ACOT7: variants seen among roughly 807,000 people sequenced by gnomAD.
The protein encoded by ACOT7 is cytosolic acyl coenzyme A thioester hydrolase.
In ACOT7, 12 loss-of-function variants were observed where a neutral mutation model predicts 40.2. That is an observed-to-expected ratio of 0.30 (90% CI 0.19 to 0.48). The LOEUF is 0.48. Among genes scored for constraint, ACOT7 ranks in the 20% least tolerant of loss-of-function variants. The pLI is 0.99. For synonymous variants in ACOT7, 228 were observed against 219.5 expected, an observed-to-expected ratio of 1.04 and a Z score of -0.34; for missense variants, 395 against 530.8, an observed-to-expected ratio of 0.74 and a Z score of 2.51.
chr1:6,325,314 C>T (rs965944859), intron 5 of ACOT7, among the ~76,000 whole-genome samples: 1 of 151,558 alleles, frequency 6.6e-6, no homozygotes, highest in Non-Finnish European at 1.5e-5. Context: ...AGGAGAATGG[C>T]GTGAACCCGG....
intron 3 of ACOT7, among the ~76,000 whole-genome samples, chr1:6,335,737 G>A (rs1156529973): frequency 2.0e-5 from 3 of 152,204 alleles, no homozygotes; most frequent in East Asian, 3.9e-4. Context: ...ATTAAGAAAA[G>A]GCCTGTGCCT....
rs1180528368 is a variant in ACOT7, at chr1:6,352,643, G to C, written c.144-2777C>G. ...GTCTCGCTCTGTCTCCCAGGCTGGA[G>C]TGCAGTGGCACGATCTTGGCTCACC... On this transcript the variant is annotated intron_variant, in intron 1 of 8. Coordinates refer to ENST00000361521, the MANE Select transcript of ACOT7 (RefSeq NM_007274.4). The surrounding 1 kb of genome is among the most constrained non-coding windows in gnomAD (Gnocchi z 4.5). Among the ~76,000 whole-genome samples, 2 of 151,640 alleles carry C rather than the reference G, an allele frequency of 1.3e-5. No individual in the cohort carries two copies. The highest frequency in any genetic ancestry group is 3.9e-4 in the East Asian group (2 of 5,154).
chr1:6,265,140 C>T (rs1395505427), intron 8 of ACOT7, among the ~76,000 whole-genome samples: 5 of 152,156 alleles, frequency 3.3e-5, no homozygotes, highest in African/African-American at 9.7e-5. Flanking sequence ...GGGAGCTGAA[C>T]GGAAGTGGAA....
rs569207129 is a variant in ACOT7 at position 6,379,815 on chromosome 1, A to G, written c.143+13442T>C. Among the ~76,000 whole-genome samples, 49 of 151,284 alleles carry G rather than the reference A, an allele frequency of 3.2e-4. 3 individuals are homozygous for G. Among genetic ancestry groups the G allele is most frequent in the Non-Finnish European group, 6.3e-4 (43 of 67,744 alleles). On this transcript the variant is annotated intron_variant, in intron 1 of 8. Coordinates refer to ENST00000361521, the MANE Select transcript of ACOT7 (RefSeq NM_007274.4). ...GGTGTGGTGGCCTATAATCCCAGCA[A>G]TTTGAGAGACTGAGGTGGGCATATC...
At chr1:6,326,060 T>TG in intron 5 of ACOT7, among the ~76,000 whole-genome samples, 1 of 152,182 alleles carries the variant, frequency 6.6e-6, no homozygotes, top group South Asian at 2.1e-4. Flanking sequence ...CAAGGCATGG[T>TG]GGGGGGCAGC....
At chr1:6,332,820 C>CA (rs1640995690) in intron 4 of ACOT7, among the ~76,000 whole-genome samples, 2 of 131,554 alleles carry the variant, frequency 1.5e-5, no homozygotes, top group Admixed American at 7.5e-5. Context: ...GATTCCGTCT[C>CA]AAAAAAACAA....
In ACOT7 at chr1:6,301,521, A is replaced by C. The variant is rs1392627557; in HGVS notation, c.713-6541T>G. On this transcript the variant is annotated intron_variant, in intron 6 of 8. Transcript: ENST00000361521. This position sits in a 1 kb window ranked among gnomAD's most constrained non-coding sequence, Gnocchi z 4.1. ...CCCCCAGACCACACTGCATGATGTG[A>C]CATGGACGCCTGCACTGGGTGAGGA... Among the ~76,000 whole-genome samples the C allele has an allele frequency of 6.6e-6, 1 of 152,174 alleles. No homozygotes were observed. Among genetic ancestry groups the C allele is most frequent in the Non-Finnish European group, 1.5e-5 (1 of 68,014 alleles).
intron 8 of ACOT7, among the ~76,000 whole-genome samples, chr1:6,269,307 G>A (rs1430684222): frequency 1.3e-5 from 2 of 152,216 alleles, no homozygotes; most frequent in Non-Finnish European, 2.9e-5. Flanking sequence ...GCGTGTCCAC[G>A]ATGAACCAGG....
intron 7 of ACOT7, among the ~76,000 whole-genome samples, chr1:6,284,576 C>CG (rs1553155496): frequency 1.7e-5 from 1 of 57,980 alleles, no homozygotes; most frequent in Non-Finnish European, 3.4e-5. Flanking sequence ...AACTCCATCT[C>CG]AAAAAAAAAA....
At chr1:6,273,567 C>G (rs4908544) in intron 8 of ACOT7, among the ~76,000 whole-genome samples, 12,399 of 152,298 alleles carry the variant, frequency 0.081, 602 homozygotes, top group Non-Finnish European at 0.11. Context: ...CAGGGCTTCC[C>G]TCACTAATGG....
At position 6,348,148 on chromosome 1, in the gene ACOT7, C is replaced by T. The variant is rs1214511079; in HGVS notation, c.261+1601G>A. Among the ~76,000 whole-genome samples, 6 of 152,130 alleles carry T rather than the reference C, an allele frequency of 3.9e-5. No homozygotes were observed. The East Asian group carries it at 9.7e-4, about 25-fold the overall frequency. On this transcript the variant is annotated intron_variant, in intron 2 of 8. Coordinates refer to ENST00000361521, the MANE Select transcript of ACOT7 (RefSeq NM_007274.4). ...CTCTCTGAACGTGACTGAGCTGCAC[C>T]GGAGCCTCGGGTCCAAAGAATCAAT...
intron 5 of ACOT7, among the ~76,000 whole-genome samples, chr1:6,324,471 A>T (rs1640745254): frequency 6.6e-6 from 1 of 152,224 alleles, no homozygotes; most frequent in Non-Finnish European, 1.5e-5. Flanking sequence ...GGCAAACAGA[A>T]GAGAATCCCA....
rs947176465 is a variant in ACOT7 at position 6,393,742 on chromosome 1, C to G, written c.-343G>C. On this transcript the variant is annotated 5_prime_UTR_variant, in exon 1 of 9. Transcript: ENST00000361521. ...GGAGCAGGGCGGACTTGGGCCCTCA[C>G]TCTCCGCGCGGCGGTAAATATTTGT... 5 of 174,114 alleles carry G rather than the reference C, an allele frequency of 2.9e-5. No individual in the cohort carries two copies. Among genetic ancestry groups the G allele is most frequent in the African/African-American group, 1.2e-4 (5 of 42,244 alleles). 10.8% of individuals were successfully genotyped at this position (174,114 alleles called of 1,614,324 possible).
intron 1 of ACOT7, among the ~76,000 whole-genome samples, chr1:6,379,302 T>C (rs1642291918): frequency 6.6e-6 from 1 of 151,860 alleles, no homozygotes; most frequent in Non-Finnish European, 1.5e-5. Context: ...ACTTGCCAGC[T>C]GTGACGGCAA....
At chr1:6,283,062 C>A (rs928379933) in intron 7 of ACOT7, among the ~76,000 whole-genome samples, 18 of 152,226 alleles carry the variant, frequency 1.2e-4, no homozygotes, top group South Asian at 6.2e-4. Context: ...TTCCCTGTGG[C>A]CACGGTGTCA....
chr1:6,351,687 C>G (rs1212125488), intron 1 of ACOT7, among the ~76,000 whole-genome samples: 1 of 152,226 alleles, frequency 6.6e-6, no homozygotes, highest in Non-Finnish European at 1.5e-5. Flanking sequence ...CCAGGAGCAG[C>G]AGAGCCAGCC....
In ACOT7 at chr1:6,373,300, G is replaced by C. The variant is rs187078814; in HGVS notation, c.143+19957C>G. On this transcript the variant is annotated intron_variant, in intron 1 of 8. Coordinates refer to ENST00000361521, the MANE Select transcript of ACOT7 (RefSeq NM_007274.4). Reference sequence around the variant, plus strand: ...GAGTCTCGCTCTGTTGCCCAGGCTAGAGTGTAGTGGCATGATCCCAGCTCA... The same window carrying C: ...GAGTCTCGCTCTGTTGCCCAGGCTACAGTGTAGTGGCATGATCCCAGCTCA... Among the ~76,000 whole-genome samples, 594 of 152,054 alleles carry C rather than the reference G, an allele frequency of 3.9e-3. 3 individuals are homozygous for C. Among genetic ancestry groups the C allele is most frequent in the African/African-American group, 0.014 (573 of 41,478 alleles).
At chr1:6,344,763 C>CAAAAAAA (rs58594477) in intron 2 of ACOT7, among the ~76,000 whole-genome samples, 11 of 56,040 alleles carry the variant, frequency 2.0e-4, no homozygotes, top group Non-Finnish European at 4.6e-4. Flanking sequence ...GACTCTGTCT[C>CAAAAAAA]AAAAAAAAAA....
chr1:6,307,588 C>A (rs1484693594), intron 6 of ACOT7, among the ~76,000 whole-genome samples: 4 of 152,236 alleles, frequency 2.6e-5, no homozygotes, highest in African/African-American at 9.6e-5. Context: ...CTGGGTAACC[C>A]AGGTAGAGAG....
Sources: allele counts gnomAD v4.1 joint callset (sites outside exome capture counted in the v4.1 genomes callset), GRCh38; gene constraint gnomAD v4.1.1; non-coding constraint Gnocchi (gnomAD v3.1); transcripts MANE v1.5; gene names NCBI Gene and HGNC (gene_info 2026-07-23, HGNC 2026-07-21).